The following DAB1 variants were observed in gnomAD, a reference collection of about 807,000 sequenced individuals.
The protein encoded by DAB1 is DAB adaptor protein 1.
A neutral mutation model predicts 64.6 loss-of-function variants in DAB1; 15 were observed. That is an observed-to-expected ratio of 0.23 (90% CI 0.16 to 0.36). The LOEUF (loss-of-function observed/expected upper bound fraction) is 0.36. DAB1 is among the 10% of genes least tolerant of loss of function. The probability of loss-of-function intolerance (pLI) is 1.00; values close to 1 mark genes in which losing one functional copy is unlikely to be tolerated. For synonymous variants in DAB1, 235 were observed against 251.9 expected, an observed-to-expected ratio of 0.93 and a Z score of 0.64; for missense variants, 596 against 706.7, an observed-to-expected ratio of 0.84 and a Z score of 1.78.
chr1:57,967,300 A>G (rs1446002387), intron 5 of DAB1, among the ~76,000 whole-genome samples: 1 of 152,182 alleles, frequency 6.6e-6, no homozygotes, highest in African/African-American at 2.4e-5. Flanking sequence ...CTGTTATGCC[A>G]TGTTAAAATA....
intron 1 of DAB1, among the ~76,000 whole-genome samples, chr1:57,366,660 T>A (rs1680019280): frequency 6.6e-6 from 1 of 152,214 alleles, no homozygotes; most frequent in Admixed American, 6.5e-5. Flanking sequence ...CTAAGAATTA[T>A]ACCTACAAAA....
intron 1 of DAB1, among the ~76,000 whole-genome samples, chr1:57,855,128 G>T (rs906598904): frequency 3.3e-5 from 5 of 152,176 alleles, no homozygotes; most frequent in Non-Finnish European, 7.3e-5. Flanking sequence ...AAGAAAGAAG[G>T]CTGTGAGGAC....
intron 4 of DAB1, among the ~76,000 whole-genome samples, chr1:58,220,020 G>A (rs72667956): frequency 0.016 from 2,498 of 152,310 alleles, 38 homozygotes; most frequent in Non-Finnish European, 0.026. Flanking sequence ...AAGCCTGTGC[G>A]TATTAAATGA....
rs758575972 is a variant in DAB1 at position 57,015,234 on chromosome 1, C to T, written c.1093G>A (p.Ala365Thr). 2.4e-5 allele frequency: 39 copies of T among 1,613,844 alleles called. No homozygotes were observed. Among genetic ancestry groups the T allele is most frequent in the South Asian group, 5.5e-5 (5 of 91,062 alleles). Residue 365 changes from alanine (A) to threonine (T), a missense_variant, in exon 12 of 15, where the codon GCC becomes ACC. By Grantham distance (58) the Ala-to-Thr change is moderately conservative. Around this residue, in one of 3 missense-constraint regions of DAB1, gnomAD observed 377 missense variants for 400.4 expected, o/e 0.94. Transcript: ENST00000371236. ...ATAACAGTTTGTGTGGGCATGAAGG[C>T]GGCTGGCGGAAACTGCCCGGCCACA... ...PTVAGQFPPA[A>T]FMPTQTVMPL... is the part of the protein sequence containing the mutation.
At chr1:57,318,569 G>C (rs1449170449) in intron 1 of DAB1, among the ~76,000 whole-genome samples, 3 of 151,964 alleles carry the variant, frequency 2.0e-5, no homozygotes, top group African/African-American at 7.3e-5. Flanking sequence ...TTGTAAAGAA[G>C]GTGCCTGCTT....
At chr1:57,629,723 G>A (rs112976170) in intron 7 of DAB1, among the ~76,000 whole-genome samples, 1 of 125,840 alleles carries the variant, frequency 7.9e-6, no homozygotes, top group Non-Finnish European at 1.7e-5. Context: ...TCTCCAGGTA[G>A]CTCAAGAACT....
rs1219655257 is a variant in DAB1, at chr1:57,951,334, T to TATATACATATATATATATATATATC, written n.388-67173_388-67172insGATATATATATATATATATGTATAT. Reference sequence around the variant, plus strand: ...GCCTGATTCATATATATATATATACTTCCCTGGAAACTTAAATTAGCCCAA... The same window carrying TATATACATATATATATATATATATC: ...GCCTGATTCATATATATATATATACTATATACATATATATATATATATATCTCCCTGGAAACTTAAATTAGCCCAA... On this transcript the variant is annotated intron_variant and non_coding_transcript_variant, in intron 5 of 20. Coordinates refer to the DAB1 transcript ENST00000485760. Among the ~76,000 whole-genome samples the TATATACATATATATATATATATATC allele has an allele frequency of 3.1e-5, 2 of 63,850 alleles. 1 individual carries two copies. Among genetic ancestry groups the TATATACATATATATATATATATATC allele is most frequent in the Non-Finnish European group, 7.3e-5 (2 of 27,350 alleles). The allele number at this position is 63,850 out of a possible 152,430, so 41.9% of individuals were successfully genotyped here.
chr1:57,453,163 T>C (rs1686454484), intron 7 of DAB1, among the ~76,000 whole-genome samples: 1 of 151,618 alleles, frequency 6.6e-6, no homozygotes, highest in Non-Finnish European at 1.5e-5. Context: ...GAAAGTTATG[T>C]CTGTGAATAT....
chr1:57,488,401 CAAA>C (rs11455708), intron 7 of DAB1, among the ~76,000 whole-genome samples: 44 of 74,094 alleles, frequency 5.9e-4, no homozygotes, highest in Middle Eastern at 8.3e-3. Context: ...GATTCCGTCT[CAAA>C]AAAAAAAAAA....
Position 57,673,192 on chromosome 1 carries a change from A to G in DAB1, n.552-23527T>C, listed in dbSNP as rs1010221564. 5.3e-5 allele frequency among the ~76,000 whole-genome samples: 8 copies of G among 152,100 alleles called. No individual in the cohort carries two copies. The South Asian group carries it at 1.5e-3, about 28-fold the overall frequency. ...TTCTCGCTGTGTCCTCACATGACAG[A>G]AGGGGCATGGGACTTCAATGAAGAC... is the stretch of plus-strand genomic sequence containing the variant. On this transcript the variant is annotated intron_variant and non_coding_transcript_variant, in intron 6 of 20. Transcript: ENST00000485760.
In DAB1 at chr1:57,192,162, C is replaced by CA. The variant is rs924799715; in HGVS notation, c.68-46734dup. 6.6e-5 allele frequency among the ~76,000 whole-genome samples: 10 copies of CA among 151,848 alleles called. No homozygotes were observed. In the South Asian group the frequency reaches 8.3e-4, roughly 13 times the overall value. On this transcript the variant is annotated intron_variant, in intron 2 of 14. Coordinates refer to ENST00000371236, the MANE Select transcript of DAB1 (RefSeq NM_001365792.1). ...TAAAACTCTGTCTCTACTAAAAATA[C>CA]AAAAAACAGCCAGGCATTCTGGTGG...
intron 4 of DAB1, among the ~76,000 whole-genome samples, chr1:57,104,909 T>A (rs949580543): frequency 1.3e-5 from 2 of 152,156 alleles, no homozygotes; most frequent in East Asian, 3.9e-4. Context: ...GGGGCCCCCC[T>A]TCCAGTCCTA....
chr1:58,115,203 A>C (rs1652251035), intron 5 of DAB1, among the ~76,000 whole-genome samples: 1 of 102,100 alleles, frequency 9.8e-6, no homozygotes, highest in Non-Finnish European at 1.9e-5. Context: ...TTCTCAAAAG[A>C]AGACATTTAT....
At chr1:57,472,504 G>C (rs1388426108) in intron 7 of DAB1, among the ~76,000 whole-genome samples, 3 of 152,168 alleles carry the variant, frequency 2.0e-5, no homozygotes, top group Non-Finnish European at 4.4e-5. Flanking sequence ...ATCAACCCCT[G>C]ATCTAATCGG....
intron 1 of DAB1, chr1:57,876,765 T>C (rs974752134): frequency 6.6e-6 from 1 of 152,132 alleles, no homozygotes; most frequent in African/African-American, 2.4e-5. Flanking sequence ...TGGGCCTCGA[T>C]TGCTTAGAAG....
At chr1:58,288,019 CAAAAAAAAAAAAAAAA>C (rs763850453) in intron 4 of DAB1, among the ~76,000 whole-genome samples, 1 of 21,982 alleles carries the variant, frequency 4.5e-5, no homozygotes, top group African/African-American at 1.0e-4. Context: ...AAGACTGCCT[CAAAAAAAAAAAAAAAA>C]AAAAAAAAAA....
intron 9 of DAB1, among the ~76,000 whole-genome samples, chr1:57,031,339 T>A (rs931081507): frequency 1.3e-5 from 2 of 152,204 alleles, no homozygotes; most frequent in Admixed American, 1.3e-4. Flanking sequence ...GTCCTTTTAT[T>A]TGTAAGCTAA....
intron 5 of DAB1, among the ~76,000 whole-genome samples, chr1:57,976,727 T>C (rs956209694): frequency 2.6e-5 from 4 of 152,204 alleles, no homozygotes; most frequent in African/African-American, 9.6e-5. Context: ...AGATATACTT[T>C]CTCTGTAGAG....
At chr1:57,260,445 A>C (rs528249020) in intron 2 of DAB1, among the ~76,000 whole-genome samples, 7 of 152,278 alleles carry the variant, frequency 4.6e-5, no homozygotes, top group Non-Finnish European at 1.0e-4. Flanking sequence ...CATTTGTCCA[A>C]CTTAAGCTAC....
Sources: gnomAD v4.1 joint callset for allele counts (sites outside exome capture counted in the v4.1 genomes callset) on GRCh38, gnomAD v4.1.1 for gene constraint, gnomAD v4.1.1 regional missense constraint, MANE v1.5 for transcripts, NCBI Gene and HGNC (gene_info 2026-07-23, HGNC 2026-07-21) for gene names.